Variants in CSMD1 observed in about 807,000 individuals in gnomAD.
The protein encoded by CSMD1 is CUB and Sushi multiple domains 1, also known as CUB and sushi domain-containing protein 1.
In CSMD1, 213 loss-of-function variants were observed where a neutral mutation model predicts 417.5. The ratio of observed to expected loss-of-function variants is 0.51; its 90% CI spans 0.46 to 0.57. The LOEUF (loss-of-function observed/expected upper bound fraction) is 0.57. Ranked by LOEUF, CSMD1 falls within the 20% of genes least tolerant of loss-of-function variation. The pLI is 0.00. For missense variants in CSMD1, 6,923 were observed against 4,529.7 expected, an observed-to-expected ratio of 1.53 and a Z score of -15.17; for synonymous variants, 2,862 against 1,736.8, an observed-to-expected ratio of 1.65 and a Z score of -16.11.
intron 3 of CSMD1, among the ~76,000 whole-genome samples, chr8:4,212,104 T>C (rs1321904226): frequency 2.0e-5 from 3 of 151,760 alleles, no homozygotes; most frequent in African/African-American, 7.3e-5. Context: ...GTAAAAGTCA[T>C]GATTTCAAAG....
At chr8:4,008,929 T>C (rs531131174) in intron 4 of CSMD1, among the ~76,000 whole-genome samples, 9 of 152,144 alleles carry the variant, frequency 5.9e-5, no homozygotes, top group African/African-American at 1.7e-4. Flanking sequence ...ATTTTCTAAA[T>C]TGTGCTCCTA....
chr8:4,233,511 CT>C (rs1266355339), intron 3 of CSMD1, among the ~76,000 whole-genome samples: 1 of 152,122 alleles, frequency 6.6e-6, no homozygotes, highest in Non-Finnish European at 1.5e-5. Context: ...GATTAGTGCC[CT>C]TATAAAAGAG....
At chr8:4,064,072 G>A (rs1445771688) in intron 3 of CSMD1, among the ~76,000 whole-genome samples, 1 of 152,196 alleles carries the variant, frequency 6.6e-6, no homozygotes, top group African/African-American at 2.4e-5. Context: ...TGCGCAGTGT[G>A]AAGCCCATGT....
At chr8:4,521,476 A>T (rs1447329033) in intron 2 of CSMD1, among the ~76,000 whole-genome samples, 1 of 152,228 alleles carries the variant, frequency 6.6e-6, no homozygotes, top group Non-Finnish European at 1.5e-5. Context: ...AAGAATATGC[A>T]TTTATATAAG....
chr8:3,995,159 AT>A (rs1361637423), intron 5 of CSMD1, among the ~76,000 whole-genome samples: 3 of 152,218 alleles, frequency 2.0e-5, no homozygotes, highest in African/African-American at 7.2e-5. Flanking sequence ...CATATTATGC[AT>A]TTGTATAGGC....
intron 1 of CSMD1, among the ~76,000 whole-genome samples, chr8:4,781,091 C>G (rs1563367416): frequency 1.3e-5 from 2 of 152,198 alleles, no homozygotes; most frequent in South Asian, 2.1e-4. Context: ...TTAAGATACA[C>G]TCTCATCTTC....
intron 26 of CSMD1, among the ~76,000 whole-genome samples, chr8:3,270,484 A>C (rs1258672970): frequency 6.6e-6 from 1 of 152,248 alleles, no homozygotes; most frequent in Non-Finnish European, 1.5e-5. Context: ...TTAAAAAATG[A>C]CCATTGAACT....
At chr8:3,669,183 T>G (rs1261881181) in intron 7 of CSMD1, among the ~76,000 whole-genome samples, 1 of 152,204 alleles carries the variant, frequency 6.6e-6, no homozygotes, top group African/African-American at 2.4e-5. Context: ...CATAAAGTTA[T>G]GTTTTAATTG....
chr8:4,114,835 G>C (rs192273274), intron 3 of CSMD1, among the ~76,000 whole-genome samples: 2 of 152,160 alleles, frequency 1.3e-5, no homozygotes, highest in South Asian at 4.1e-4. Context: ...AGGGGAGGCT[G>C]AAGACGTGAC....
chr8:4,030,289 G>A (rs1421050554), intron 4 of CSMD1, among the ~76,000 whole-genome samples: 1 of 152,164 alleles, frequency 6.6e-6, no homozygotes, highest in Non-Finnish European at 1.5e-5. Flanking sequence ...TCTCCATGAG[G>A]ACCGCCACCC....
chr8:3,688,905 A>C (rs1285752079), intron 7 of CSMD1, among the ~76,000 whole-genome samples: 1 of 152,216 alleles, frequency 6.6e-6, no homozygotes, highest in East Asian at 1.9e-4. Flanking sequence ...ACAAAGGAGC[A>C]AACTTAAAAA....
intron 48 of CSMD1, among the ~76,000 whole-genome samples, chr8:3,087,908 GTGT>G (rs1814658726): frequency 6.6e-6 from 1 of 152,190 alleles, no homozygotes; most frequent in Admixed American, 6.5e-5. Flanking sequence ...TGTTTTTTAA[GTGT>G]TGTTAAAACA....
intron 18 of CSMD1, among the ~76,000 whole-genome samples, chr8:3,376,790 A>G (rs540097306): frequency 6.6e-4 from 94 of 142,310 alleles, no homozygotes; most frequent in African/African-American, 2.3e-3. Flanking sequence ...CAATATTATA[A>G]TTATTTTTTT....
chr8:3,819,143 G>A (rs535446230), intron 5 of CSMD1, among the ~76,000 whole-genome samples: 13 of 152,234 alleles, frequency 8.5e-5, no homozygotes, highest in Admixed American at 2.0e-4. Flanking sequence ...TCTAGCAGGC[G>A]GAAAGGAATC....
chr8:4,761,854 T>TCTATCTAC (rs1812095475), intron 1 of CSMD1, among the ~76,000 whole-genome samples: 1 of 74,078 alleles, frequency 1.3e-5, no homozygotes, highest in South Asian at 5.5e-4. Context: ...TATCTATCTA[T>TCTATCTAC]CTATCTATCT....
intron 23 of CSMD1, among the ~76,000 whole-genome samples, chr8:3,317,204 C>T (rs1051109161): frequency 6.6e-6 from 1 of 152,042 alleles, no homozygotes; most frequent in East Asian, 1.9e-4. Context: ...TAGCAGATCC[C>T]CTGTATTAAC....
chr8:3,639,262 G>C (rs915173775), intron 7 of CSMD1, among the ~76,000 whole-genome samples: 3 of 152,254 alleles, frequency 2.0e-5, no homozygotes, highest in East Asian at 1.9e-4. Context: ...CTATGAAATA[G>C]GTTGCTATTT....
chr8:3,327,905 T>C (rs1806638187), intron 23 of CSMD1, among the ~76,000 whole-genome samples: 1 of 152,174 alleles, frequency 6.6e-6, no homozygotes, highest in Non-Finnish European at 1.5e-5. Context: ...ACCCGGATCC[T>C]TTAATTGGGT....
At chr8:3,370,515 T>A (rs1809879067) in intron 18 of CSMD1, among the ~76,000 whole-genome samples, 1 of 152,150 alleles carries the variant, frequency 6.6e-6, no homozygotes, top group Non-Finnish European at 1.5e-5. Context: ...TATGTGCCAG[T>A]GTGACTGGGC....
Sources: gnomAD v4.1 joint callset for allele counts (sites outside exome capture counted in the v4.1 genomes callset) on GRCh38, gnomAD v4.1.1 for gene constraint, MANE v1.5 for transcripts, NCBI Gene and HGNC (gene_info 2026-07-23, HGNC 2026-07-21) for gene names.